LIMD1: variants seen among roughly 807,000 people sequenced by gnomAD.
LIMD1 encodes the protein LIM domain containing 1, also known as LIM domain-containing protein 1.
In LIMD1, 23 loss-of-function variants were observed where a neutral mutation model predicts 58.4. The observed-to-expected ratio is 0.39, with a 90% CI of 0.28 to 0.56. LIMD1 has a LOEUF of 0.56. Among genes scored for constraint, LIMD1 ranks in the 20% least tolerant of loss-of-function variants. LIMD1 has a pLI of 0.57. For missense variants in LIMD1, 838 were observed against 855.5 expected (o/e 0.98, Z 0.25); for synonymous variants, 334 against 345.5 (o/e 0.97, Z 0.37).
rs924101965 is a variant in LIMD1 at position 45,679,745 on chromosome 3, C to G, written c.*2686C>G. 6.6e-6 allele frequency: 1 copy of G among 152,178 alleles called. No individual in the cohort carries two copies. The highest frequency in any genetic ancestry group is 2.4e-5 in the African/African-American group (1 of 41,420). 9.4% of individuals were successfully genotyped at this position (152,178 alleles called of 1,614,324 possible). A position where few individuals can be genotyped will look rare whatever the true frequency, so the allele number is the denominator to read the frequency against. ...TCTCCTACCCCTATCTTGGGACATT[C>G]AGAAACTGCCTGGGTGGTTTGAGAA... On this transcript the variant is annotated 3_prime_UTR_variant, in exon 8 of 8. Coordinates refer to ENST00000273317, the MANE Select transcript of LIMD1 (RefSeq NM_014240.3).
In LIMD1 at chr3:45,636,143, C is replaced by CT. The variant is rs5848761; in HGVS notation, c.1409-6dup. On this transcript the variant is annotated splice_polypyrimidine_tract_variant and splice_region_variant and intron_variant, in intron 1 of 7. Coordinates refer to ENST00000273317, the MANE Select transcript of LIMD1 (RefSeq NM_014240.3). ...CTGACTCACTGATGTTTCTCTTGTC[C>CT]TGCAAGGAGCCTGTGTGAAATGCAG... 1,612,866 of 1,612,878 alleles carry CT rather than the reference C, an allele frequency of 1. 806,428 individuals carry two copies. Among genetic ancestry groups the CT allele is most frequent in the Middle Eastern group, 1 (6,052 of 6,052 alleles).
intron 6 of LIMD1, 101 bp downstream of exon 6, chr3:45,673,606 G>A: frequency 9.6e-7 from 1 of 1,038,258 alleles, no homozygotes; most frequent in Non-Finnish European, 1.5e-6. Context: ...AGCTTTTAAG[G>A]TATCCTTTTA....
Position 45,685,171 on chromosome 3 carries a change from T to G in LIMD1, c.*8112T>G, listed in dbSNP as rs1697795993. ...AATTTTACTATAGGAAAAACTTGGC[T>G]ACAGATATGAATTTATATTACCCAT... is the stretch of plus-strand genomic sequence containing the variant. On this transcript the variant is annotated 3_prime_UTR_variant, in exon 8 of 8. Coordinates refer to ENST00000273317, the MANE Select transcript of LIMD1 (RefSeq NM_014240.3). The G allele has an allele frequency of 6.6e-6, 1 of 152,236 alleles. No homozygotes were observed. The highest frequency in any genetic ancestry group is 1.5e-5 in the Non-Finnish European group (1 of 68,042). The allele number at this position is 152,236 out of a possible 1,614,324, so 9.4% of individuals were successfully genotyped here.
intron 4 of LIMD1, 119 bp from the exon 5 acceptor site, chr3:45,672,571 G>A: frequency 8.7e-7 from 1 of 1,150,270 alleles, no homozygotes; most frequent in East Asian, 2.5e-5. Flanking sequence ...GTGAAACTCG[G>A]GGGTAAGTGT....
At chr3:45,599,896 C>T (rs748795565) in intron 1 of LIMD1, among the ~76,000 whole-genome samples, 9 of 152,166 alleles carry the variant, frequency 5.9e-5, no homozygotes, top group Non-Finnish European at 1.0e-4. Context: ...TGCTCTTCTG[C>T]GACCTACCTT....
chr3:45,609,313 A>T (rs779213607), intron 1 of LIMD1, among the ~76,000 whole-genome samples: 4 of 152,234 alleles, frequency 2.6e-5, no homozygotes, highest in African/African-American at 4.8e-5. Context: ...AGACTTGACT[A>T]CATTTTGCGG....
intron 2 of LIMD1, among the ~76,000 whole-genome samples, chr3:45,651,272 A>G (rs921490588): frequency 1.3e-5 from 2 of 152,148 alleles, no homozygotes; most frequent in South Asian, 2.1e-4. Context: ...ATTTTCTCCC[A>G]TTCTGTAGGT....
intron 2 of LIMD1, among the ~76,000 whole-genome samples, chr3:45,645,897 C>T (rs1701900233): frequency 6.6e-6 from 1 of 152,018 alleles, no homozygotes; most frequent in African/African-American, 2.4e-5. Flanking sequence ...CCATAGTTGC[C>T]CATCAGTGGA....
intron 2 of LIMD1, among the ~76,000 whole-genome samples, chr3:45,644,678 C>T (rs1701882793): frequency 6.6e-6 from 1 of 152,218 alleles, no homozygotes; most frequent in African/African-American, 2.4e-5. Context: ...AACCCAAGAC[C>T]TGTGGATCCA....
intron 1 of LIMD1, among the ~76,000 whole-genome samples, chr3:45,611,496 G>A (rs1379120182): frequency 1.3e-5 from 2 of 152,252 alleles, no homozygotes; most frequent in Non-Finnish European, 2.9e-5. Context: ...CCATCCCCTT[G>A]AGGGAGGTAG....
intron 1 of LIMD1, among the ~76,000 whole-genome samples, chr3:45,598,165 G>T (rs993930684): frequency 4.6e-5 from 7 of 152,016 alleles, no homozygotes; most frequent in Non-Finnish European, 8.8e-5. Context: ...TCTCTAGGTT[G>T]CCCAGGCTGT....
chr3:45,595,226 C>T lies in LIMD1; in HGVS notation c.347C>T (p.Ala116Val), dbSNP rs778374560. The T allele has an allele frequency of 5.6e-6, 9 of 1,602,254 alleles. No individual in the cohort carries two copies. The East Asian group carries it at 1.3e-4, about 24-fold the overall frequency. ...GCTGCCTCGACAGGGGCACCTGGGGCAGTCACCACCCTCGCTGCTGGGCAG... is the reference window on the plus strand; with the variant it reads ...GCTGCCTCGACAGGGGCACCTGGGGTAGTCACCACCCTCGCTGCTGGGCAG... The part of the protein sequence containing the change: ...PLAASTGAPG[A>V]VTTLAAGQPP... Residue 116 changes from alanine (A) to valine (V), a missense_variant, in exon 1 of 8, where the codon GCA (alanine) becomes GTA (valine). Physicochemically the swap from Ala to Val is moderately conservative, Grantham distance 64. Transcript: ENST00000273317.
chr3:45,673,357 G>A, intron 5 of LIMD1, 97 bp from the exon 6 acceptor site: 2 of 902,514 alleles, frequency 2.2e-6, no homozygotes, highest in Non-Finnish European at 3.7e-6. Context: ...GCAGGAGGCG[G>A]CATGGAGGAA....
chr3:45,664,265 C>T (rs1159290545), intron 2 of LIMD1, among the ~76,000 whole-genome samples: 1 of 152,148 alleles, frequency 6.6e-6, no homozygotes, highest in Non-Finnish European at 1.5e-5. Context: ...GTCAGCCTCC[C>T]AAAATGCTGG....
At chr3:45,657,386 T>C (rs887779406) in intron 2 of LIMD1, among the ~76,000 whole-genome samples, 4 of 151,892 alleles carry the variant, frequency 2.6e-5, no homozygotes, top group Admixed American at 2.0e-4. Flanking sequence ...TCCGGCCAGA[T>C]ATGGTAACTC....
At chr3:45,658,247 C>T (rs958699225) in intron 2 of LIMD1, among the ~76,000 whole-genome samples, 1 of 152,156 alleles carries the variant, frequency 6.6e-6, no homozygotes, top group Admixed American at 6.5e-5. Flanking sequence ...TTCTTCAGAG[C>T]AAACTAAGCC....
chr3:45,653,597 G>T (rs1368689450), intron 2 of LIMD1, among the ~76,000 whole-genome samples: 4 of 152,130 alleles, frequency 2.6e-5, no homozygotes, highest in Non-Finnish European at 5.9e-5. Context: ...TTTGTTTTTA[G>T]CAATATCTTT....
In LIMD1 at chr3:45,629,198, G is replaced by A. The variant is rs542135522; in HGVS notation, c.1409-6952G>A. On this transcript the variant is annotated intron_variant, in intron 1 of 7. Transcript: ENST00000273317. ...GGAGGCCGAGGCGGGCAGATCATGA[G>A]GTCAGGAGTTCAAGACCAGCCTGAC... Among the ~76,000 whole-genome samples the A allele has an allele frequency of 7.9e-4, 120 of 152,116 alleles. 1 individual carries two copies. The highest frequency in any genetic ancestry group is 2.7e-3 in the African/African-American group (114 of 41,508).
At chr3:45,603,629 A>G (rs1701439701) in intron 1 of LIMD1, among the ~76,000 whole-genome samples, 1 of 152,204 alleles carries the variant, frequency 6.6e-6, no homozygotes, top group African/African-American at 2.4e-5. Flanking sequence ...ACCCAGGGAT[A>G]TGGGGATGCC....
Sources: gnomAD v4.1 joint callset for allele counts (sites outside exome capture counted in the v4.1 genomes callset) on GRCh38, gnomAD v4.1.1 for gene constraint, MANE v1.5 for transcripts, NCBI Gene and HGNC (gene_info 2026-07-23, HGNC 2026-07-21) for gene names.